PRKRIP1: variants seen among roughly 807,000 people sequenced by gnomAD.
PRKRIP1 encodes the protein PRKR interacting protein 1, also known as PRKR-interacting protein 1.
A neutral mutation model predicts 29.3 loss-of-function variants in PRKRIP1; 29 were observed. That is an observed-to-expected ratio of 0.99 (90% CI 0.74 to 1.35). The LOEUF is 1.35. Ranked by LOEUF, PRKRIP1 falls within the 40% of genes most tolerant of loss-of-function variation. The pLI, the probability that PRKRIP1 is intolerant of heterozygous loss-of-function variation, is 0.00. For missense variants in PRKRIP1, 247 were observed against 236.8 expected (o/e 1.04, Z -0.28); for synonymous variants, 90 against 85.1 (o/e 1.06, Z -0.32).
In PRKRIP1 at chr7:102,425,169, G is replaced by A. The variant is rs182064863; in HGVS notation, c.*58G>A. ...GCTCGTGCTGTGACCAGAAGGGAAA[G>A]GCGGCTGTTTGGCTCTTTCTCCCCC... On this transcript the variant is annotated 3_prime_UTR_variant, in exon 6 of 6. Transcript: ENST00000397912. 8.9e-5 allele frequency: 139 copies of A among 1,567,088 alleles called. 1 individual carries two copies. In the East Asian group the frequency reaches 3.2e-3, roughly 36 times the overall value.
chr7:102,421,098 G>C (rs1796680775), intron 5 of PRKRIP1, among the ~76,000 whole-genome samples: 1 of 152,174 alleles, frequency 6.6e-6, no homozygotes, highest in East Asian at 1.9e-4. Context: ...AAGGCCTGCA[G>C]ATCCCCTGTG....
chr7:102,411,502 A>G (rs1796382458), intron 5 of PRKRIP1, among the ~76,000 whole-genome samples: 1 of 152,016 alleles, frequency 6.6e-6, no homozygotes, highest in Admixed American at 6.6e-5. Flanking sequence ...CTCCTGCCTC[A>G]GCCTCCCTAA....
At chr7:102,397,740 A>T (rs145003910) in intron 2 of PRKRIP1, 42 bp downstream of exon 2, 22,895 of 1,564,498 alleles carry the variant, frequency 0.015, 312 homozygotes, top group South Asian at 0.048. Context: ...GTGTGTGTAA[A>T]TATAATTTTT....
chr7:102,407,532 C>T, intron 5 of PRKRIP1, 34 bp downstream of exon 5: 1 of 1,520,434 alleles, frequency 6.6e-7, no homozygotes. Context: ...GCTGTAGCTT[C>T]TTTCTTCTTG....
rs547159134 is a variant in PRKRIP1 at position 102,409,683 on chromosome 7, G to A, written c.457+2185G>A. The stretch of plus-strand genomic sequence containing the variant: ...ACAAAAAGTTTTAAAAATTGGTCAG[G>A]TGTGGTGGTGCACGCCTGTCGTCCT... On this transcript the variant is annotated intron_variant, in intron 5 of 5. Transcript: ENST00000397912. Among the ~76,000 whole-genome samples the A allele has an allele frequency of 9.2e-5, 14 of 152,160 alleles. No individual in the cohort carries two copies. In the South Asian group the frequency reaches 1.2e-3, roughly 14 times the overall value.
intron 4 of PRKRIP1, among the ~76,000 whole-genome samples, chr7:102,405,525 G>A (rs1049951853): frequency 6.6e-6 from 1 of 152,132 alleles, no homozygotes; most frequent in Admixed American, 6.6e-5. Context: ...AGCCCAGGGG[G>A]CTGAGGCTGC....
chr7:102,415,244 C>G (rs1796502616), intron 5 of PRKRIP1, among the ~76,000 whole-genome samples: 1 of 152,134 alleles, frequency 6.6e-6, no homozygotes, highest in Non-Finnish European at 1.5e-5. Flanking sequence ...GCCTCCAAAG[C>G]TCTGTTTTTT....
chr7:102,406,085 C>G (rs1455538443), intron 4 of PRKRIP1, among the ~76,000 whole-genome samples: 1 of 152,138 alleles, frequency 6.6e-6, no homozygotes, highest in Admixed American at 6.5e-5. Context: ...GGTTGTGTGA[C>G]TCGTGGTCGG....
chr7:102,424,802 A>G (rs1796791353), intron 5 of PRKRIP1, among the ~76,000 whole-genome samples: 2 of 151,958 alleles, frequency 1.3e-5, no homozygotes, highest in Non-Finnish European at 2.9e-5. Context: ...GATGGGGTGC[A>G]CCCGTGAGAG....
chr7:102,411,882 T>C (rs782223711), intron 5 of PRKRIP1, among the ~76,000 whole-genome samples: 1 of 152,210 alleles, frequency 6.6e-6, no homozygotes, highest in South Asian at 2.1e-4. Flanking sequence ...ACTATAGTAT[T>C]GATTTGCATT....
chr7:102,411,806 G>GTTTTTTTTTTT (rs11361254), intron 5 of PRKRIP1, among the ~76,000 whole-genome samples: 1 of 142,276 alleles, frequency 7.0e-6, no homozygotes. Context: ...CTTATTTTCT[G>GTTTTTTTTTTT]TTTTTTTTTT....
chr7:102,417,102 G>A (rs1358382117), intron 5 of PRKRIP1, among the ~76,000 whole-genome samples: 15 of 151,982 alleles, frequency 9.9e-5, no homozygotes, highest in Non-Finnish European at 1.9e-4. Context: ...TGATCCACCC[G>A]CCTCAGCCTC....
At chr7:102,413,072 C>G (rs1327339512) in intron 5 of PRKRIP1, among the ~76,000 whole-genome samples, 3 of 152,194 alleles carry the variant, frequency 2.0e-5, no homozygotes, top group Non-Finnish European at 2.9e-5. Flanking sequence ...CACAGTTGCA[C>G]TACTGATGCC....
In PRKRIP1 at chr7:102,401,772, G is replaced by A. The variant is rs1185668660; in HGVS notation, c.306+2124G>A. 2.6e-5 allele frequency among the ~76,000 whole-genome samples: 4 copies of A among 151,362 alleles called. No homozygotes were observed. The South Asian group carries it at 6.3e-4, about 24-fold the overall frequency. On this transcript the variant is annotated intron_variant, in intron 3 of 5. Coordinates refer to ENST00000397912, the MANE Select transcript of PRKRIP1 (RefSeq NM_024653.4). Reference sequence around the variant, plus strand: ...ACAAAAATTAACCAGGCGCAGTGGTGCACACCTGTAATCCCAGCTACTTGG... The same window carrying A: ...ACAAAAATTAACCAGGCGCAGTGGTACACACCTGTAATCCCAGCTACTTGG...
At chr7:102,411,152 C>A (rs539662972) in intron 5 of PRKRIP1, among the ~76,000 whole-genome samples, 4 of 152,174 alleles carry the variant, frequency 2.6e-5, no homozygotes, top group Non-Finnish European at 5.9e-5. Flanking sequence ...TTGTCTTGAA[C>A]TCCTGGGCTC....
At chr7:102,414,900 A>AT (rs201728743) in intron 5 of PRKRIP1, among the ~76,000 whole-genome samples, 1,749 of 152,184 alleles carry the variant, frequency 0.011, 42 homozygotes, top group African/African-American at 0.041. Context: ...AGGAAAAAAA[A>AT]AATAATAATA....
At chr7:102,407,596 G>A in intron 5 of PRKRIP1, 98 bp downstream of exon 5, 1 of 882,612 alleles carries the variant, frequency 1.1e-6, no homozygotes, top group Non-Finnish European at 1.9e-6. Context: ...GTTTGGGCTG[G>A]TTGGCTGGCC....
At chr7:102,412,918 T>A (rs1182293990) in intron 5 of PRKRIP1, among the ~76,000 whole-genome samples, 2 of 152,210 alleles carry the variant, frequency 1.3e-5, no homozygotes, top group Non-Finnish European at 2.9e-5. Flanking sequence ...ATTAAGCCAA[T>A]GTGGATTATT....
intron 5 of PRKRIP1, among the ~76,000 whole-genome samples, chr7:102,416,224 C>T (rs1304672238): frequency 5.3e-5 from 8 of 152,210 alleles, no homozygotes; most frequent in African/African-American, 1.9e-4. Flanking sequence ...AAATAAGCCT[C>T]ATTTTAGAAT....
Sources: allele counts gnomAD v4.1 joint callset (sites outside exome capture counted in the v4.1 genomes callset), GRCh38; gene constraint gnomAD v4.1.1; transcripts MANE v1.5; gene names NCBI Gene and HGNC (gene_info 2026-07-23, HGNC 2026-07-21).